Variants in PLD2 observed in about 807,000 individuals in gnomAD.
PLD2 encodes phospholipase D2.
A neutral mutation model predicts 119.8 loss-of-function variants in PLD2; 101 were observed. The observed-to-expected ratio is 0.84, with a 90% CI of 0.72 to 0.99. The LOEUF (loss-of-function observed/expected upper bound fraction) is 0.99. Among genes scored for constraint, PLD2 ranks in the 50% least tolerant of loss-of-function variants. The pLI is 0.00. For missense variants in PLD2, 1,164 were observed against 1,226.8 expected, an observed-to-expected ratio of 0.95 and a Z score of 0.76; for synonymous variants, 494 against 482.8, an observed-to-expected ratio of 1.02 and a Z score of -0.30.
intron 14 of PLD2, 130 bp from the exon 15 acceptor site, chr17:4,816,490 G>A (rs1170743450): frequency 1.1e-6 from 1 of 951,848 alleles, no homozygotes; most frequent in Non-Finnish European, 1.6e-6. Context: ...GGAGGGCTGG[G>A]GAATCAGACC....
At chr17:4,809,079 C>T in intron 4 of PLD2, 21 bp from the exon 5 acceptor site, 3 of 1,591,294 alleles carry the variant, frequency 1.9e-6, no homozygotes, top group Non-Finnish European at 2.6e-6. Flanking sequence ...CTTACCTGAC[C>T]TTCATCCATC....
rs1200158788 is a variant in PLD2, at chr17:4,809,151, C to T, written c.435C>T (p.Pro145=). The T allele has an allele frequency of 6.2e-6, 10 of 1,614,214 alleles. No homozygotes were observed. The highest frequency in any genetic ancestry group is 7.6e-6 in the Non-Finnish European group (9 of 1,180,038). The part of the protein sequence containing the change: ...PARDAGNREM[P]SLPRAGPEGS... ...GAGATGCAGGCAACAGAGAGATGCC[C>T]TCTCTACCCCGGGCAGGTCCTGAGG... Residue 145 remains proline (P), a synonymous_variant, in exon 5 of 25, where the codon CCC becomes CCT. Coordinates refer to ENST00000263088, the MANE Select transcript of PLD2 (RefSeq NM_002663.5).
intron 10 of PLD2, among the ~76,000 whole-genome samples, chr17:4,813,878 T>A (rs1278856868): frequency 2.0e-5 from 3 of 152,064 alleles, no homozygotes; most frequent in Non-Finnish European, 2.9e-5. Flanking sequence ...ATATATATAT[T>A]TTTTGATACT....
rs1288164595 is a variant in PLD2 at position 4,807,563 on chromosome 17, C to G, written c.-1-209C>G. On this transcript the variant is annotated intron_variant, in intron 1 of 24. Transcript: ENST00000263088. The surrounding 1 kb of genome is among the most constrained non-coding windows in gnomAD (Gnocchi z 5.4). ...ACGGGGCGGGGGGCGGGGGGCGGGA[C>G]TGGGATTGTGGATGAAGGACTAAGG... 1.3e-5 allele frequency: 5 copies of G among 371,100 alleles called. No homozygotes were observed. Among genetic ancestry groups the G allele is most frequent in the Non-Finnish European group, 9.9e-6 (2 of 202,684 alleles). The allele number at this position is 371,100 out of a possible 1,614,324, so 23.0% of individuals were successfully genotyped here.
Position 4,814,823 on chromosome 17 carries a change from AG to A in PLD2, c.1173+113del. 4 of 932,864 alleles carry A rather than the reference AG, an allele frequency of 4.3e-6. No individual in the cohort carries two copies. In the Admixed American group the frequency reaches 6.0e-5, roughly 14 times the overall value. 57.8% of individuals were successfully genotyped at this position (932,864 alleles called of 1,614,324 possible). A position where few individuals can be genotyped will look rare whatever the true frequency, so the allele number is the denominator to read the frequency against. On this transcript the variant is annotated intron_variant, in intron 12 of 24. Transcript: ENST00000263088. ...AGTCTGAGGCTTCAGGGGAGGGAAA[AG>A]TGTCCATCCTGGCCCAGCACCTGTC...
intron 9 of PLD2, 128 bp from the exon 10 acceptor site, chr17:4,810,661 AATAAGGCAGATAC>A (rs1906361723): frequency 1.3e-6 from 1 of 760,552 alleles, no homozygotes; most frequent in Non-Finnish European, 2.1e-6. Flanking sequence ...TAAATAAATA[AATAAGGCAGATAC>A]ATACACGCCC....
chr17:4,811,376 A>G (rs1211294156), intron 10 of PLD2, among the ~76,000 whole-genome samples: 2 of 143,502 alleles, frequency 1.4e-5, no homozygotes, highest in Non-Finnish European at 3.0e-5. Flanking sequence ...TCCCAGGTTC[A>G]AGCGATTCTT....
Position 4,808,088 on chromosome 17 carries a change from A to G in PLD2, c.214A>G (p.Thr72Ala), listed in dbSNP as rs760028420. Residue 72 changes from threonine (T) to alanine (A), a missense_variant, in exon 3 of 25, where the codon ACC becomes GCC. Thr to Ala is a moderately conservative substitution (Grantham distance 58, BLOSUM62 0). Transcript: ENST00000263088. The surrounding 1 kb of genome is among the most constrained non-coding windows in gnomAD (Gnocchi z 4.1). ...GVPVTAQVVGTERYTSGSKVG... is the reference protein window; with the variant it reads ...GVPVTAQVVGAERYTSGSKVG... ...CCCTGTCACAGCCCAGGTGGTGGGC[A>G]CCGAAAGATATACCAGCGGATCCAA... The G allele has an allele frequency of 6.2e-7, 1 of 1,611,500 alleles. No individual in the cohort carries two copies. Among genetic ancestry groups the G allele is most frequent in the African/African-American group, 1.3e-5 (1 of 74,886 alleles).
intron 10 of PLD2, among the ~76,000 whole-genome samples, chr17:4,811,521 G>C (rs958244241): frequency 6.6e-6 from 1 of 151,952 alleles, no homozygotes; most frequent in Non-Finnish European, 1.5e-5. Flanking sequence ...CGGGTGATCC[G>C]CCCGCCTCGG....
At position 4,819,058 on chromosome 17, in the gene PLD2, A is replaced by G. The variant is rs920774606; in HGVS notation, c.2174-26A>G. The G allele has an allele frequency of 1.5e-5, 24 of 1,613,134 alleles. No homozygotes were observed. The highest frequency in any genetic ancestry group is 1.9e-5 in the Non-Finnish European group (22 of 1,179,484). ...CCCTGTGCACACAGAGCCACCTCTC[A>G]CCTCACTTCCCCTCCTGTCACGCAG... On this transcript the variant is annotated intron_variant, in intron 21 of 24. Coordinates refer to ENST00000263088, the MANE Select transcript of PLD2 (RefSeq NM_002663.5). This position sits in a 1 kb window ranked among gnomAD's most constrained non-coding sequence, Gnocchi z 4.2.
chr17:4,820,257 C>A (rs1341687637), intron 23 of PLD2, among the ~76,000 whole-genome samples: 1 of 127,150 alleles, frequency 7.9e-6, no homozygotes, highest in Non-Finnish European at 1.9e-5. Context: ...AAAAAGAAAT[C>A]TTTTTTGTTG....
chr17:4,811,637 G>T (rs1362698841), intron 10 of PLD2, among the ~76,000 whole-genome samples: 2 of 152,154 alleles, frequency 1.3e-5, no homozygotes, highest in Non-Finnish European at 2.9e-5. Flanking sequence ...TCCTCTCTGG[G>T]TTAGGGAAGT....
In PLD2 at chr17:4,823,146, G is replaced by A. The variant is rs889841166; in HGVS notation, c.*282G>A. ...GCTGCAAAGGAGAAGCACAGCTCCT[G>A]CCAGGGTGAGCAGGGTCAAGCCTCT... On this transcript the variant is annotated 3_prime_UTR_variant, in exon 25 of 25. Transcript: ENST00000263088. The A allele has an allele frequency of 5.5e-6, 2 of 361,690 alleles. No homozygotes were observed. Among genetic ancestry groups the A allele is most frequent in the Non-Finnish European group, 1.0e-5 (2 of 200,100 alleles). 22.4% of individuals were successfully genotyped at this position (361,690 alleles called of 1,614,324 possible).
Position 4,819,678 on chromosome 17 carries a change from G to C in PLD2, c.2462+96G>C. ...GTAGCACCGCATAGGTACTCCCGGAGCCAGAGGTAGAGGCAGTACTAGATT... is the reference window on the plus strand; with the variant it reads ...GTAGCACCGCATAGGTACTCCCGGACCCAGAGGTAGAGGCAGTACTAGATT... On this transcript the variant is annotated intron_variant, in intron 23 of 24. Coordinates refer to ENST00000263088, the MANE Select transcript of PLD2 (RefSeq NM_002663.5). This position sits in a 1 kb window ranked among gnomAD's most constrained non-coding sequence, Gnocchi z 4.2. 1 of 1,203,228 alleles carries C rather than the reference G, an allele frequency of 8.3e-7. No homozygotes were observed. Among genetic ancestry groups the C allele is most frequent in the South Asian group, 1.5e-5 (1 of 67,692 alleles). 74.5% of individuals were successfully genotyped at this position (1,203,228 alleles called of 1,614,324 possible). A position where few individuals can be genotyped will look rare whatever the true frequency, so the allele number is the denominator to read the frequency against.
At position 4,810,948 on chromosome 17, in the gene PLD2, G is replaced by C. The variant is rs745515447; in HGVS notation, c.1007G>C (p.Arg336Pro). Residue 336 changes from arginine to proline, a missense_variant, in exon 10 of 25, where the codon CGG (arginine) becomes CCG (proline). Physicochemically the swap from Arg to Pro is moderately radical, Grantham distance 103. Transcript: ENST00000263088. ...YAPPRPGTLA[R>P]WFVNGAGYFA... ...CCACCCCGGCCTGGGACCTTGGCCC[G>C]GTGGTGAGACACTGACATCCCTTCT... The C allele has an allele frequency of 1.6e-5, 26 of 1,608,454 alleles. No individual in the cohort carries two copies. In the South Asian group the frequency reaches 2.5e-4, roughly 16 times the overall value.
intron 9 of PLD2, 80 bp downstream of exon 9, chr17:4,810,109 C>T (rs1884248470): frequency 1.3e-5 from 18 of 1,433,424 alleles, no homozygotes; most frequent in South Asian, 2.4e-5. Flanking sequence ...GAAAGAGAGA[C>T]CACAGGAGAG....
At chr17:4,816,053 TCA>T (rs1244948750) in intron 14 of PLD2, 119 bp downstream of exon 14, 2 of 780,830 alleles carry the variant, frequency 2.6e-6, no homozygotes, top group Non-Finnish European at 4.3e-6. Flanking sequence ...TCAGGGTTCC[TCA>T]GACTTTCTGG....
At chr17:4,816,521 C>A (rs1347854757) in intron 14 of PLD2, 99 bp from the exon 15 acceptor site, 1 of 1,244,308 alleles carries the variant, frequency 8.0e-7, no homozygotes, top group African/African-American at 1.5e-5. Flanking sequence ...TTCTTCCTCT[C>A]GGTCTCTCTC....
Position 4,823,134 on chromosome 17 carries a change from A to G in PLD2, c.*270A>G. ...CCACTTCTCCATGCTGCAAAGGAGA[A>G]GCACAGCTCCTGCCAGGGTGAGCAG... On this transcript the variant is annotated 3_prime_UTR_variant, in exon 25 of 25. Transcript: ENST00000263088. 2.5e-6 allele frequency: 1 copy of G among 402,930 alleles called. No homozygotes were observed. The allele number at this position is 402,930 out of a possible 1,614,324, so 25.0% of individuals were successfully genotyped here.
Sources: gnomAD v4.1 joint callset for allele counts (sites outside exome capture counted in the v4.1 genomes callset) on GRCh38, gnomAD v4.1.1 for gene constraint, Gnocchi (gnomAD v3.1) non-coding constraint, MANE v1.5 for transcripts, NCBI Gene and HGNC (gene_info 2026-07-23, HGNC 2026-07-21) for gene names.